PRR11: variants seen among roughly 807,000 people sequenced by gnomAD.
PRR11 encodes proline rich 11, also known as proline-rich protein 11.
In PRR11, 30 loss-of-function variants were observed where a neutral mutation model predicts 45.6. The ratio of observed to expected loss-of-function variants is 0.66; its 90% CI spans 0.49 to 0.89. The LOEUF (loss-of-function observed/expected upper bound fraction) is 0.89. PRR11 is among the 40% of genes least tolerant of loss of function. PRR11 has a pLI of 0.00. For synonymous variants in PRR11, 128 were observed against 153.5 expected (o/e 0.83, Z 1.23); for missense variants, 373 against 424.8 (o/e 0.88, Z 1.07).
At chr17:59,185,389 G>T in intron 3 of PRR11, 51 bp from the exon 4 acceptor site, 1 of 1,564,124 alleles carries the variant, frequency 6.4e-7, no homozygotes, top group Non-Finnish European at 8.7e-7. Flanking sequence ...CTGTTTTCTT[G>T]TCCTTATCAT....
chr17:59,179,989 G>T, intron 2 of PRR11: 1 of 1,089,318 alleles, frequency 9.2e-7, no homozygotes, highest in Non-Finnish European at 1.3e-6. Flanking sequence ...CAGACTGCTG[G>T]CTTCTCCAAG....
intron 2 of PRR11, among the ~76,000 whole-genome samples, chr17:59,179,088 C>G (rs1010809761): frequency 4.6e-5 from 7 of 152,182 alleles, no homozygotes; most frequent in African/African-American, 1.7e-4. Context: ...CAACCTCGGC[C>G]TCCCGAGTTC....
intron 4 of PRR11, among the ~76,000 whole-genome samples, chr17:59,185,766 G>C (rs983808396): frequency 6.6e-6 from 1 of 152,208 alleles, no homozygotes; most frequent in Non-Finnish European, 1.5e-5. Context: ...GGGATAATCT[G>C]ATCAGATAGC....
intron 2 of PRR11, chr17:59,179,892 A>C: frequency 7.5e-7 from 1 of 1,336,440 alleles, no homozygotes; most frequent in Non-Finnish European, 1.1e-6. Flanking sequence ...GAGTAAAGAA[A>C]CCAGGCCACT....
At position 59,156,261 on chromosome 17, in the gene PRR11, G is replaced by A. The variant is rs540094902; in HGVS notation, c.-6+456G>A. Among the ~76,000 whole-genome samples, 4 of 152,256 alleles carry A rather than the reference G, an allele frequency of 2.6e-5. No homozygotes were observed. The East Asian group carries it at 7.7e-4, about 29-fold the overall frequency. On this transcript the variant is annotated intron_variant, in intron 1 of 9. Transcript: ENST00000262293. Reference sequence around the variant, plus strand: ...ATTTCTTGACTGGGAATATTACTATGTTACTCGATATTGTCTGGCATGCTG... The same window carrying A: ...ATTTCTTGACTGGGAATATTACTATATTACTCGATATTGTCTGGCATGCTG...
At chr17:59,174,924 TCCCCACCTCCTCCACCTAC>T (rs900607306) in intron 2 of PRR11, 2 of 1,047,280 alleles carry the variant, frequency 1.9e-6, no homozygotes, top group African/African-American at 3.2e-5. Flanking sequence ...ACCTGATTCC[TCCCCACCTCCTCCACCTAC>T]CCCCACCCCG....
intron 2 of PRR11, chr17:59,179,750 G>A: frequency 2.9e-6 from 4 of 1,396,638 alleles, no homozygotes; most frequent in Non-Finnish European, 4.0e-6. Flanking sequence ...CGCCACCCAG[G>A]TCTCCTCAGG....
chr17:59,180,493 C>CTTT (rs757636718), intron 2 of PRR11, among the ~76,000 whole-genome samples: 1 of 118,244 alleles, frequency 8.5e-6, no homozygotes, highest in African/African-American at 4.7e-5. Flanking sequence ...TGGGCCCGTC[C>CTTT]TTGTTTTTTT....
In PRR11 at chr17:59,199,958, G is replaced by A. The variant is rs958907583; in HGVS notation, c.1015-1605G>A. ...CAGGAGCAAAGGGACGAGGCCTCAC[G>A]GGTCTTAGCCCCTTGCTTTTTCTGT... On this transcript the variant is annotated intron_variant, in intron 9 of 9. Transcript: ENST00000262293. 5.9e-5 allele frequency among the ~76,000 whole-genome samples: 9 copies of A among 152,254 alleles called. 1 individual carries two copies. Among genetic ancestry groups the A allele is most frequent in the African/African-American group, 4.8e-5 (2 of 41,546 alleles).
intron 2 of PRR11, among the ~76,000 whole-genome samples, chr17:59,176,205 G>A (rs1359604673): frequency 3.9e-5 from 6 of 152,296 alleles, no homozygotes; most frequent in South Asian, 4.1e-4. Flanking sequence ...TTTGGAAAGA[G>A]CGGTGAAGCC....
chr17:59,191,571 C>T (rs1020082206), intron 4 of PRR11, among the ~76,000 whole-genome samples: 2 of 152,086 alleles, frequency 1.3e-5, no homozygotes, highest in Admixed American at 6.6e-5. Flanking sequence ...GGATATACCA[C>T]CTCCACCTTT....
chr17:59,186,542 G>A (rs969494158), intron 4 of PRR11, among the ~76,000 whole-genome samples: 8 of 151,448 alleles, frequency 5.3e-5, no homozygotes, highest in Non-Finnish European at 1.0e-4. Flanking sequence ...CCAGAGGTGT[G>A]TGCCACCTGC....
rs2046900238 is a variant in PRR11, at chr17:59,203,078, A to G, written c.*1447A>G. 1.3e-5 allele frequency among the ~76,000 whole-genome samples: 2 copies of G among 152,342 alleles called. No homozygotes were observed. The highest frequency in any genetic ancestry group is 1.5e-5 in the Non-Finnish European group (1 of 68,026). On this transcript the variant is annotated 3_prime_UTR_variant, in exon 10 of 10. Coordinates refer to ENST00000262293, the MANE Select transcript of PRR11 (RefSeq NM_018304.4). ...CCCCAGAAAGACTGTATTTCTACAG[A>G]TAAATATTGCATTGAGATGCCAAAT...
At chr17:59,179,639 G>A (rs922272721) in intron 2 of PRR11, 7 of 1,511,200 alleles carry the variant, frequency 4.6e-6, no homozygotes, top group Non-Finnish European at 6.3e-6. Context: ...TCTCTGGGGT[G>A]TCCTCCTACC....
chr17:59,166,569 A>G (rs1433513676), intron 1 of PRR11, among the ~76,000 whole-genome samples: 2 of 152,182 alleles, frequency 1.3e-5, no homozygotes, highest in Admixed American at 6.5e-5. Context: ...CATATATTTA[A>G]TGGTAATATA....
At chr17:59,167,600 T>TA (rs1315479486) in intron 1 of PRR11, among the ~76,000 whole-genome samples, 1 of 152,150 alleles carries the variant, frequency 6.6e-6, no homozygotes, top group Non-Finnish European at 1.5e-5. Flanking sequence ...TGAGTATACT[T>TA]ATATCTTGAT....
intron 2 of PRR11, among the ~76,000 whole-genome samples, chr17:59,181,000 G>GT (rs1321220338): frequency 6.6e-6 from 1 of 150,736 alleles, no homozygotes; most frequent in Non-Finnish European, 1.5e-5. Flanking sequence ...TTGTTTTTTT[G>GT]TTTTTTTGAG....
intron 2 of PRR11, among the ~76,000 whole-genome samples, chr17:59,178,002 G>GA (rs35711059): frequency 0.15 from 18,960 of 125,066 alleles, 1,452 homozygotes; most frequent in South Asian, 0.28. Context: ...ATACTGTCTC[G>GA]AAAAAAAAAA....
At chr17:59,181,708 C>T in intron 2 of PRR11, 1 of 1,553,928 alleles carries the variant, frequency 6.4e-7, no homozygotes, top group African/African-American at 1.4e-5. Flanking sequence ...CCTTTTCCAG[C>T]AAAGGGACCT....
Sources: allele counts gnomAD v4.1 joint callset (sites outside exome capture counted in the v4.1 genomes callset), GRCh38; gene constraint gnomAD v4.1.1; transcripts MANE v1.5; gene names NCBI Gene and HGNC (gene_info 2026-07-23, HGNC 2026-07-21).